Variants in MYCBP2 observed in about 807,000 individuals in gnomAD.
MYCBP2 encodes the protein E3 ubiquitin-protein ligase MYCBP2.
A neutral mutation model predicts 525.3 loss-of-function variants in MYCBP2; 120 were observed. The ratio of observed to expected loss-of-function variants is 0.23; its 90% confidence interval spans 0.20 to 0.27. The LOEUF is 0.27. Among genes scored for constraint, MYCBP2 ranks in the 10% least tolerant of loss-of-function variants. The pLI is 1.00. For missense variants in MYCBP2, 4,149 were observed against 5,657.1 expected, an observed-to-expected ratio of 0.73 and a Z score of 8.55; for synonymous variants, 1,894 against 1,955.8, an observed-to-expected ratio of 0.97 and a Z score of 0.83.
rs549840466 is a variant in MYCBP2, at chr13:77,057,213, TA to T, written c.13330-121del. 155 of 653,662 alleles carry T rather than the reference TA, an allele frequency of 2.4e-4. 3 individuals are homozygous for T. In the South Asian group the frequency reaches 3.1e-3, roughly 13 times the overall value. 40.5% of individuals were successfully genotyped at this position (653,662 alleles called of 1,614,324 possible). A position where few individuals can be genotyped will look rare whatever the true frequency, so the allele number is the denominator to read the frequency against. Reference sequence around the variant, plus strand: ...CAGGTAAGAGAAAAATCAAGAAATTTACTATAATGAAAATTCATTGGGACAC... The same window carrying T: ...CAGGTAAGAGAAAAATCAAGAAATTTCTATAATGAAAATTCATTGGGACAC... On this transcript the variant is annotated intron_variant, in intron 78 of 82. Coordinates refer to ENST00000544440, the MANE Select transcript of MYCBP2 (RefSeq NM_015057.5).
intron 52 of MYCBP2, chr13:77,129,449 A>G: frequency 2.9e-6 from 1 of 339,046 alleles, no homozygotes; most frequent in Non-Finnish European, 5.3e-6. Flanking sequence ...CCATGGATAT[A>G]GTGTGTCATG....
intron 26 of MYCBP2, among the ~76,000 whole-genome samples, chr13:77,200,687 G>C (rs1056366825): frequency 6.6e-6 from 1 of 152,096 alleles, no homozygotes; most frequent in Non-Finnish European, 1.5e-5. Context: ...GACTAACAGC[G>C]GATCTCTCAG....
intron 37 of MYCBP2, among the ~76,000 whole-genome samples, chr13:77,173,940 C>T (rs1484831099): frequency 6.6e-6 from 1 of 152,150 alleles, no homozygotes; most frequent in Non-Finnish European, 1.5e-5. Context: ...AAGGCAACAC[C>T]ACTATCTGAG....
chr13:77,194,026 A>T, intron 27 of MYCBP2, 127 bp downstream of exon 27: 1 of 537,638 alleles, frequency 1.9e-6, no homozygotes, highest in Non-Finnish European at 3.2e-6. Flanking sequence ...TATATAATTT[A>T]ATTTCTCAAG....
chr13:77,056,717 T>C (rs1239425433), intron 79 of MYCBP2, among the ~76,000 whole-genome samples: 1 of 152,230 alleles, frequency 6.6e-6, no homozygotes, highest in East Asian at 1.9e-4. Flanking sequence ...AGAGTAGAGA[T>C]GCATGCCCTT....
chr13:77,146,361 A>G (rs536467049), intron 47 of MYCBP2, 144 bp from the exon 48 acceptor site: 4 of 412,374 alleles, frequency 9.7e-6, no homozygotes, highest in Non-Finnish European at 1.7e-5. Flanking sequence ...CCTACTTTAG[A>G]CCATTTATTA....
intron 1 of MYCBP2, among the ~76,000 whole-genome samples, chr13:77,303,891 T>C (rs1166265374): frequency 6.6e-6 from 1 of 151,930 alleles, no homozygotes; most frequent in Non-Finnish European, 1.5e-5. Flanking sequence ...TAGATACCAA[T>C]GAAATGGAAA....
intron 1 of MYCBP2, among the ~76,000 whole-genome samples, chr13:77,310,700 AATTGAC>A (rs1213834407): frequency 6.6e-6 from 1 of 152,152 alleles, no homozygotes; most frequent in African/African-American, 2.4e-5. Context: ...GTTAAATAAA[AATTGAC>A]ATCACACAGA....
intron 78 of MYCBP2, among the ~76,000 whole-genome samples, chr13:77,057,609 G>A (rs2038375259): frequency 6.6e-6 from 1 of 152,098 alleles, no homozygotes; most frequent in Admixed American, 6.5e-5. Flanking sequence ...AAATTAAGAA[G>A]AGCCTTAGCT....
chr13:77,317,222 G>A (rs1232651119), intron 1 of MYCBP2, among the ~76,000 whole-genome samples: 1 of 152,204 alleles, frequency 6.6e-6, no homozygotes, highest in African/African-American at 2.4e-5. Context: ...AAAGTGCTGG[G>A]ATTACAGGCG....
intron 14 of MYCBP2, among the ~76,000 whole-genome samples, chr13:77,256,674 C>T (rs1466702544): frequency 2.0e-5 from 3 of 151,974 alleles, no homozygotes; most frequent in Non-Finnish European, 4.4e-5. Flanking sequence ...CAAAACTACA[C>T]TGAGATACCA....
chr13:77,100,815 G>T (rs2046958888), intron 55 of MYCBP2, among the ~76,000 whole-genome samples: 1 of 151,922 alleles, frequency 6.6e-6, no homozygotes, highest in African/African-American at 2.4e-5. Flanking sequence ...AGTATTAACA[G>T]ATGGGGCTAA....
intron 3 of MYCBP2, among the ~76,000 whole-genome samples, chr13:77,279,380 T>C (rs761590674): frequency 5.3e-5 from 8 of 152,174 alleles, no homozygotes; most frequent in Non-Finnish European, 8.8e-5. Context: ...CCTTTAATTA[T>C]CTTACTATTC....
chr13:77,212,254 G>T, intron 21 of MYCBP2, 94 bp from the exon 22 acceptor site: 2 of 1,074,778 alleles, frequency 1.9e-6, no homozygotes, highest in Non-Finnish European at 1.3e-6. Flanking sequence ...ATCAATCTAT[G>T]AAACCTTATT....
chr13:77,112,188 T>C (rs903119161), intron 55 of MYCBP2, among the ~76,000 whole-genome samples: 1 of 151,592 alleles, frequency 6.6e-6, no homozygotes, highest in Non-Finnish European at 1.5e-5. Context: ...CTCCCAATAA[T>C]ATACATACTT....
intron 62 of MYCBP2, among the ~76,000 whole-genome samples, chr13:77,086,172 T>C (rs890738174): frequency 2.6e-5 from 4 of 152,150 alleles, no homozygotes; most frequent in African/African-American, 9.6e-5. Flanking sequence ...GTTTTTATTC[T>C]GGAAATGTCT....
At position 77,257,739 on chromosome 13, in the gene MYCBP2, C is replaced by A; in HGVS notation, c.2108G>T (p.Trp703Leu). 1 of 1,613,410 alleles carries A rather than the reference C, an allele frequency of 6.2e-7. No individual in the cohort carries two copies. Among genetic ancestry groups the A allele is most frequent in the Non-Finnish European group, 8.5e-7 (1 of 1,179,734 alleles). ...TCVLMKNGEV[W>L]TFGVNNKGQC... ...TCCTTTATTATTTACACCAAATGTC[C>A]ACACCTCTCCATTCTTCATTAAAAC... The change falls in exon 14 of 83, where the codon TGG (tryptophan) becomes TTG (leucine). Residue 703 changes from tryptophan to leucine, a missense_variant. Coordinates refer to ENST00000544440, the MANE Select transcript of MYCBP2 (RefSeq NM_015057.5).
intron 81 of MYCBP2, 130 bp from the exon 82 acceptor site, chr13:77,051,292 G>A: frequency 1.3e-6 from 1 of 740,932 alleles, no homozygotes. Context: ...AAAATTGATT[G>A]AAAAACTGAT....
At chr13:77,088,570 T>TA (rs947051626) in intron 61 of MYCBP2, among the ~76,000 whole-genome samples, 39 of 151,906 alleles carry the variant, frequency 2.6e-4, no homozygotes, top group Non-Finnish European at 5.2e-4. Flanking sequence ...AAAAAGCTTT[T>TA]AAAAAAAAGA....
Sources: allele counts gnomAD v4.1 joint callset (sites outside exome capture counted in the v4.1 genomes callset), GRCh38; gene constraint gnomAD v4.1.1; transcripts MANE v1.5; gene names NCBI Gene and HGNC (gene_info 2026-07-23, HGNC 2026-07-21).